TBCK: variants seen among roughly 807,000 people sequenced by gnomAD.
The protein encoded by TBCK is TBC1 domain containing kinase.
TBCK carries 99 observed loss-of-function variants against 113.4 expected under a neutral mutation model. The observed-to-expected ratio is 0.87, with a 90% CI of 0.74 to 1.03. The LOEUF (loss-of-function observed/expected upper bound fraction) is 1.03, where lower values mean the gene tolerates loss of function less well. Among genes scored for constraint, TBCK ranks in the 50% least tolerant of loss-of-function variants. The pLI, the probability that TBCK is intolerant of heterozygous loss-of-function variation, is 0.00. For synonymous variants in TBCK, 369 were observed against 370.8 expected, an observed-to-expected ratio of 1.00 and a Z score of 0.05; for missense variants, 1,045 against 1,061.3, an observed-to-expected ratio of 0.98 and a Z score of 0.21.
intron 25 of TBCK, among the ~76,000 whole-genome samples, chr4:106,069,806 C>G (rs11943335): frequency 0.011 from 1,710 of 152,168 alleles, 31 homozygotes; most frequent in African/African-American, 0.039. Context: ...TGTTTGTGTC[C>G]TCTTTTATTT....
intron 23 of TBCK, among the ~76,000 whole-genome samples, chr4:106,123,890 T>G (rs1473588775): frequency 6.7e-6 from 1 of 149,904 alleles, no homozygotes; most frequent in Non-Finnish European, 1.5e-5. Context: ...CCTAAAACCA[T>G]AAAAACCCTA....
At chr4:106,046,891 T>A (rs990456558) in intron 25 of TBCK, among the ~76,000 whole-genome samples, 1 of 152,198 alleles carries the variant, frequency 6.6e-6, no homozygotes, top group Non-Finnish European at 1.5e-5. Context: ...GGAATAAATG[T>A]CTCTTCAGTT....
intron 23 of TBCK, among the ~76,000 whole-genome samples, chr4:106,132,709 A>G (rs1746096594): frequency 2.0e-5 from 3 of 152,364 alleles, no homozygotes; most frequent in African/African-American, 7.2e-5. Context: ...GCTGTACCCT[A>G]CAATGCCAGA....
chr4:106,242,592 A>C (rs1476865383), intron 11 of TBCK, 23 bp from the exon 12 acceptor site: 2 of 1,534,646 alleles, frequency 1.3e-6, no homozygotes, highest in African/African-American at 2.8e-5. Flanking sequence ...TTTTAAAAAT[A>C]ATATGTACAC....
chr4:106,272,011 T>G (rs1763539210), intron 3 of TBCK, among the ~76,000 whole-genome samples: 1 of 152,128 alleles, frequency 6.6e-6, no homozygotes, highest in African/African-American at 2.4e-5. Flanking sequence ...AGTTCCCAGG[T>G]GATAATGATG....
chr4:106,256,856 T>C (rs559098639), intron 5 of TBCK, among the ~76,000 whole-genome samples: 8 of 152,334 alleles, frequency 5.3e-5, no homozygotes, highest in African/African-American at 1.4e-4. Context: ...TTATAAAAGC[T>C]ATACATGGTA....
At chr4:106,207,812 T>A (rs1262523833) in intron 20 of TBCK, among the ~76,000 whole-genome samples, 1 of 152,224 alleles carries the variant, frequency 6.6e-6, no homozygotes, top group Non-Finnish European at 1.5e-5. Context: ...CTTTGTTGAA[T>A]AACTTTGCCC....
chr4:106,223,258 A>C (rs750877412), intron 19 of TBCK, among the ~76,000 whole-genome samples: 6 of 152,256 alleles, frequency 3.9e-5, no homozygotes, highest in Middle Eastern at 3.4e-3. Context: ...TTTGGAGTGA[A>C]ATTGCATATT....
At chr4:106,160,065 A>G (rs564530271) in intron 23 of TBCK, among the ~76,000 whole-genome samples, 128 of 152,166 alleles carry the variant, frequency 8.4e-4, no homozygotes, top group Admixed American at 3.5e-3. Context: ...GAAAAACTGT[A>G]TATCTCCATG....
chr4:106,298,682 G>A (rs760441676), intron 2 of TBCK, among the ~76,000 whole-genome samples: 6 of 151,972 alleles, frequency 3.9e-5, no homozygotes, highest in Non-Finnish European at 7.4e-5. Context: ...GACTTGATAA[G>A]GAAAGAAAAA....
intron 25 of TBCK, among the ~76,000 whole-genome samples, chr4:106,078,300 A>G (rs1257485753): frequency 3.3e-5 from 5 of 152,214 alleles, no homozygotes; most frequent in African/African-American, 1.2e-4. Context: ...GCTGAACTGA[A>G]TAAAACTGAG....
At chr4:106,168,390 C>A (rs942526334) in intron 23 of TBCK, among the ~76,000 whole-genome samples, 51 of 151,980 alleles carry the variant, frequency 3.4e-4, no homozygotes, top group Non-Finnish European at 6.5e-4. Context: ...TCACACAATA[C>A]TTTCTGGTGA....
At chr4:106,105,146 A>G (rs2149538540) in intron 24 of TBCK, among the ~76,000 whole-genome samples, 1 of 152,336 alleles carries the variant, frequency 6.6e-6, no homozygotes, top group Non-Finnish European at 1.5e-5. Context: ...TGTCTTATCC[A>G]TACCTCCAAC....
chr4:106,267,792 C>T (rs1324452853), intron 3 of TBCK, among the ~76,000 whole-genome samples: 1 of 151,844 alleles, frequency 6.6e-6, no homozygotes, highest in Non-Finnish European at 1.5e-5. Context: ...TTATCCCTTT[C>T]CAGATATATT....
chr4:106,215,331 C>A (rs1024282758), intron 19 of TBCK, among the ~76,000 whole-genome samples: 3 of 151,612 alleles, frequency 2.0e-5, no homozygotes, highest in Non-Finnish European at 4.4e-5. Flanking sequence ...AACCAGCTAA[C>A]ATCATAATGA....
At chr4:106,199,679 A>T (rs1754663810) in intron 20 of TBCK, among the ~76,000 whole-genome samples, 1 of 152,046 alleles carries the variant, frequency 6.6e-6, no homozygotes, top group African/African-American at 2.4e-5. Flanking sequence ...TCCCCTTTCA[A>T]TTGCTCAGGT....
chr4:106,077,330 A>G (rs1738319391), intron 25 of TBCK, among the ~76,000 whole-genome samples: 2 of 152,234 alleles, frequency 1.3e-5, no homozygotes, highest in Non-Finnish European at 2.9e-5. Flanking sequence ...AATATCGACC[A>G]TGAATGTAAA....
At chr4:106,084,376 C>G (rs115545598) in intron 25 of TBCK, among the ~76,000 whole-genome samples, 2 of 151,760 alleles carry the variant, frequency 1.3e-5, no homozygotes, top group African/African-American at 4.8e-5. Context: ...GACACAGAGA[C>G]AAGTATAGAG....
At chr4:106,125,120 T>C (rs907886351) in intron 23 of TBCK, among the ~76,000 whole-genome samples, 2 of 152,100 alleles carry the variant, frequency 1.3e-5, no homozygotes, top group African/African-American at 4.8e-5. Flanking sequence ...TAGTACACTG[T>C]TGGTGGGAAT....
Sources: gnomAD v4.1 joint callset for allele counts (sites outside exome capture counted in the v4.1 genomes callset) on GRCh38, gnomAD v4.1.1 for gene constraint, MANE v1.5 for transcripts, NCBI Gene and HGNC (gene_info 2026-07-23, HGNC 2026-07-21) for gene names.